Variants in PRKCE observed in about 807,000 individuals in gnomAD.
PRKCE encodes the protein protein kinase C epsilon, also known as protein kinase C epsilon type.
Under a neutral mutation model 85.4 loss-of-function variants are expected in PRKCE, and 16 were observed. That is an observed-to-expected ratio of 0.19 (90% CI 0.13 to 0.28). The LOEUF (loss-of-function observed/expected upper bound fraction) is 0.28, where lower values mean the gene tolerates loss of function less well. Among genes scored for constraint, PRKCE ranks in the 10% least tolerant of loss-of-function variants. The pLI, the probability that PRKCE is intolerant of heterozygous loss-of-function variation, is 1.00. For missense variants in PRKCE, 573 were observed against 975.2 expected, an observed-to-expected ratio of 0.59 and a Z score of 5.49; for synonymous variants, 388 against 371.5, an observed-to-expected ratio of 1.04 and a Z score of -0.51.
intron 10 of PRKCE, among the ~76,000 whole-genome samples, chr2:46,028,750 A>G (rs1425481814): frequency 6.6e-6 from 1 of 152,216 alleles, no homozygotes; most frequent in Non-Finnish European, 1.5e-5. Context: ...TATTGTACAG[A>G]TTATTTCATC....
At chr2:46,182,253 G>C (rs1369614029) in intron 14 of PRKCE, among the ~76,000 whole-genome samples, 3 of 152,108 alleles carry the variant, frequency 2.0e-5, no homozygotes, top group Non-Finnish European at 4.4e-5. Context: ...TCCCCAGTCA[G>C]TGAATCCCTC....
chr2:45,917,818 C>G lies in PRKCE; in HGVS notation c.413-58611C>G, dbSNP rs758910458. Among the ~76,000 whole-genome samples, 281 of 152,334 alleles carry G rather than the reference C, an allele frequency of 1.8e-3. 2 individuals are homozygous for G. The highest frequency in any genetic ancestry group is 2.3e-3 in the Non-Finnish European group (158 of 68,028). On this transcript the variant is annotated intron_variant, in intron 2 of 14. Transcript: ENST00000306156. ...GCTGCAGGTCCCGAGCCCTGCCCCG[C>G]GGGAAGGCAGCTAAGGCCCGGCGAG...
chr2:45,813,310 G>A (rs6749491), intron 1 of PRKCE, among the ~76,000 whole-genome samples: 1 of 152,188 alleles, frequency 6.6e-6, no homozygotes, highest in Non-Finnish European at 1.5e-5. Context: ...CAAAAGAAGG[G>A]CCTTGAAATG....
At chr2:45,791,814 G>A (rs1284406771) in intron 1 of PRKCE, among the ~76,000 whole-genome samples, 1 of 152,168 alleles carries the variant, frequency 6.6e-6, no homozygotes, top group African/African-American at 2.4e-5. Flanking sequence ...GAGCATAATG[G>A]TCAGGAGCAC....
Position 45,731,473 on chromosome 2 carries a change from G to A in PRKCE, c.348+79025G>A, listed in dbSNP as rs77342010. ...TTTACTGAGTCTCTTCAGGAAACTG[G>A]GAGAAGTTGAGTTTCCTTCCTTAAT... On this transcript the variant is annotated intron_variant, in intron 1 of 14. Coordinates refer to ENST00000306156, the MANE Select transcript of PRKCE (RefSeq NM_005400.3). Among the ~76,000 whole-genome samples the A allele has an allele frequency of 1.5e-4, 23 of 152,210 alleles. No individual in the cohort carries two copies. In the East Asian group the frequency reaches 4.0e-3, roughly 27 times the overall value.
At chr2:46,088,781 T>A (rs1669887016) in intron 11 of PRKCE, among the ~76,000 whole-genome samples, 1 of 152,082 alleles carries the variant, frequency 6.6e-6, no homozygotes, top group Non-Finnish European at 1.5e-5. Flanking sequence ...GCCTTCCCCA[T>A]CTCTAATACA....
intron 1 of PRKCE, among the ~76,000 whole-genome samples, chr2:45,814,359 G>A (rs1028368733): frequency 3.3e-5 from 5 of 152,214 alleles, no homozygotes; most frequent in African/African-American, 9.6e-5. Flanking sequence ...GCCAAGGGTC[G>A]TCGGGGGCTC....
rs1677146876 is a variant in PRKCE at position 46,155,876 on chromosome 2, G to C, written c.1921-3730G>C. ...GACCTCCTAACGGGCAGCCCTTCTT[G>C]TGTCCTTCTCATCTCTGTACGTCTA... On this transcript the variant is annotated intron_variant, in intron 13 of 14. Coordinates refer to ENST00000306156, the MANE Select transcript of PRKCE (RefSeq NM_005400.3). The surrounding 1 kb of genome is among the most constrained non-coding windows in gnomAD (Gnocchi z 4.7). Among the ~76,000 whole-genome samples, 1 of 152,028 alleles carries C rather than the reference G, an allele frequency of 6.6e-6. No individual in the cohort carries two copies. Among genetic ancestry groups the C allele is most frequent in the African/African-American group, 2.4e-5 (1 of 41,386 alleles).
At chr2:45,824,069 A>C (rs904643678) in intron 1 of PRKCE, among the ~76,000 whole-genome samples, 1 of 152,180 alleles carries the variant, frequency 6.6e-6, no homozygotes, top group South Asian at 2.1e-4. Context: ...TGTAGTGCTG[A>C]CTGCACTCCC....
At chr2:46,045,578 T>C (rs1708472953) in intron 10 of PRKCE, among the ~76,000 whole-genome samples, 1 of 152,204 alleles carries the variant, frequency 6.6e-6, no homozygotes. Flanking sequence ...TCCACTGTGC[T>C]ATGGAAAATG....
intron 2 of PRKCE, among the ~76,000 whole-genome samples, chr2:45,951,661 G>C (rs1162766253): frequency 6.6e-6 from 1 of 152,210 alleles, no homozygotes; most frequent in African/African-American, 2.4e-5. Context: ...TGTGCTGGAG[G>C]CAAATGTAGC....
intron 1 of PRKCE, among the ~76,000 whole-genome samples, chr2:45,679,195 A>T (rs1291885421): frequency 6.6e-6 from 1 of 152,194 alleles, no homozygotes; most frequent in Non-Finnish European, 1.5e-5. Flanking sequence ...GTGTGGCTGC[A>T]ATAGAATCTG....
intron 2 of PRKCE, among the ~76,000 whole-genome samples, chr2:45,874,761 G>A (rs1207785919): frequency 6.6e-6 from 1 of 152,146 alleles, no homozygotes; most frequent in African/African-American, 2.4e-5. Context: ...TTTCCAGAGA[G>A]GATTCTTGCT....
intron 1 of PRKCE, chr2:45,675,726 T>A (rs1239834735): frequency 6.6e-6 from 1 of 152,148 alleles, no homozygotes; most frequent in African/African-American, 2.4e-5. Flanking sequence ...GGGCCCAAGG[T>A]CATGCCAGAA....
chr2:46,076,095 A>C (rs1370130404), intron 10 of PRKCE, among the ~76,000 whole-genome samples: 2 of 152,222 alleles, frequency 1.3e-5, no homozygotes, highest in African/African-American at 4.8e-5. Flanking sequence ...AGTCTCTGCA[A>C]AACAGTACCA....
intron 2 of PRKCE, among the ~76,000 whole-genome samples, chr2:45,868,966 A>AG (rs1693853850): frequency 6.6e-6 from 1 of 151,248 alleles, no homozygotes; most frequent in Non-Finnish European, 1.5e-5. Context: ...TCAAAAAAAA[A>AG]AAAAAAAGAA....
chr2:45,678,755 A>C (rs534708246), intron 1 of PRKCE, among the ~76,000 whole-genome samples: 69 of 152,180 alleles, frequency 4.5e-4, no homozygotes, highest in Non-Finnish European at 9.6e-4. Flanking sequence ...TCATAAATAC[A>C]TTACATTTTT....
intron 11 of PRKCE, among the ~76,000 whole-genome samples, chr2:46,144,751 G>C (rs1675904028): frequency 6.6e-6 from 1 of 152,232 alleles, no homozygotes; most frequent in Admixed American, 6.5e-5. Context: ...GACAGGGGTA[G>C]ATGCTTCTTT....
At position 45,669,831 on chromosome 2, in the gene PRKCE, C is replaced by T. The variant is rs546652334; in HGVS notation, c.348+17383C>T. On this transcript the variant is annotated intron_variant, in intron 1 of 14. Coordinates refer to ENST00000306156, the MANE Select transcript of PRKCE (RefSeq NM_005400.3). Reference sequence around the variant, plus strand: ...TTCAAGACCAGCCTGGCCAACATGGCGAAACCCCGTCTCTACTAAAAATAC... The same window carrying T: ...TTCAAGACCAGCCTGGCCAACATGGTGAAACCCCGTCTCTACTAAAAATAC... 1.5e-3 allele frequency among the ~76,000 whole-genome samples: 228 copies of T among 152,044 alleles called. 1 individual carries two copies. Among genetic ancestry groups the T allele is most frequent in the African/African-American group, 5.3e-3 (221 of 41,468 alleles).
Sources: gnomAD v4.1 joint callset for allele counts (sites outside exome capture counted in the v4.1 genomes callset) on GRCh38, gnomAD v4.1.1 for gene constraint, Gnocchi (gnomAD v3.1) non-coding constraint, MANE v1.5 for transcripts, NCBI Gene and HGNC (gene_info 2026-07-23, HGNC 2026-07-21) for gene names.